LOC400499: variants seen among roughly 807,000 people sequenced by gnomAD.
At chr16:11,501,500 G>C in the LOC400499 span, among the ~76,000 whole-genome samples, 1 of 152,142 alleles carries the variant, frequency 6.6e-6, no homozygotes, top group South Asian at 2.1e-4. Flanking sequence ...GGGACCACAA[G>C]TGTTCGCTAC....
At chr16:11,436,336 A>G in the LOC400499 span, among the ~76,000 whole-genome samples, 1 of 152,082 alleles carries the variant, frequency 6.6e-6, no homozygotes, top group South Asian at 2.1e-4. Flanking sequence ...TTCAAAGAGG[A>G]TGGCATCTGG....
At chr16:11,428,464 G>A in the LOC400499 span, among the ~76,000 whole-genome samples, 16 of 152,198 alleles carry the variant, frequency 1.1e-4, 1 homozygote, top group South Asian at 8.3e-4. Flanking sequence ...GTGAGCCACC[G>A]CGGCCGGCCC....
the LOC400499 span, among the ~76,000 whole-genome samples, chr16:11,495,514 G>A: frequency 6.6e-6 from 1 of 152,002 alleles, no homozygotes; most frequent in African/African-American, 2.4e-5. Context: ...CCACGTAGCT[G>A]AGATTACAGA....
the LOC400499 span, among the ~76,000 whole-genome samples, chr16:11,458,573 G>A: frequency 3.3e-5 from 5 of 151,996 alleles, no homozygotes; most frequent in African/African-American, 9.7e-5. Flanking sequence ...TCAAAAATCC[G>A]AAACAGAAAG....
the LOC400499 span, chr16:11,459,789 G>T: frequency 8.8e-7 from 1 of 1,132,658 alleles, no homozygotes; most frequent in Non-Finnish European, 1.1e-6. Context: ...AGTTTCAGCT[G>T]CTTGCATCCT....
At chr16:11,397,671 GACTGGATGGTTCATAA>G in the LOC400499 span, among the ~76,000 whole-genome samples, 1 of 151,678 alleles carries the variant, frequency 6.6e-6, no homozygotes, top group Non-Finnish European at 1.5e-5. Flanking sequence ...TTGGAACAGA[GACTGGATGGTTCATAA>G]AGCCTAAAAT....
the LOC400499 span, among the ~76,000 whole-genome samples, chr16:11,376,956 T>TAAAAAAAAAAAAA: frequency 3.3e-5 from 5 of 151,224 alleles, no homozygotes; most frequent in Non-Finnish European, 7.4e-5. Flanking sequence ...TTTTTTTTTT[T>TAAAAAAAAAAAAA]AAAGATGATG....
At chr16:11,495,830 G>A in the LOC400499 span, among the ~76,000 whole-genome samples, 2 of 152,058 alleles carry the variant, frequency 1.3e-5, no homozygotes, top group Non-Finnish European at 1.5e-5. Context: ...TAAGGGACGT[G>A]CCTCAGGTAG....
chr16:11,423,709 G>T, the LOC400499 span, among the ~76,000 whole-genome samples: 1 of 152,212 alleles, frequency 6.6e-6, no homozygotes, highest in South Asian at 2.1e-4. Context: ...TTTCATTTCT[G>T]AGAACAATAA....
At chr16:11,384,077 A>G in the LOC400499 span, 2 of 1,231,074 alleles carry the variant, frequency 1.6e-6, no homozygotes, top group Non-Finnish European at 2.0e-6. Flanking sequence ...CACTGGCCTC[A>G]GCAGGAGACT....
chr16:11,522,876 G>C, the LOC400499 span, among the ~76,000 whole-genome samples: 520 of 152,264 alleles, frequency 3.4e-3, 5 homozygotes, highest in Middle Eastern at 0.017. Context: ...GGGAAGAGCT[G>C]ATTTAGGGAA....
At chr16:11,429,673 C>T in the LOC400499 span, among the ~76,000 whole-genome samples, 1 of 152,072 alleles carries the variant, frequency 6.6e-6, no homozygotes, top group Non-Finnish European at 1.5e-5. Context: ...GGGGTTTCAC[C>T]ATGTTGGCCA....
the LOC400499 span, among the ~76,000 whole-genome samples, chr16:11,498,037 C>T: frequency 6.6e-6 from 1 of 152,130 alleles, no homozygotes; most frequent in Non-Finnish European, 1.5e-5. Flanking sequence ...AGTCATCATG[C>T]TCAAACCAAC....
chr16:11,492,364 C>A, the LOC400499 span, among the ~76,000 whole-genome samples: 3 of 147,912 alleles, frequency 2.0e-5, no homozygotes, highest in Admixed American at 7.0e-5. Flanking sequence ...ACATAAGCAA[C>A]AACTATGCAC....
chr16:11,431,065 CT>C, the LOC400499 span: 4 of 398,996 alleles, frequency 1.0e-5, no homozygotes, highest in Non-Finnish European at 1.8e-5. Flanking sequence ...CTGCTTCAGC[CT>C]TCCTGTGAGT....
the LOC400499 span, among the ~76,000 whole-genome samples, chr16:11,463,999 G>A: frequency 6.6e-6 from 1 of 152,168 alleles, no homozygotes; most frequent in Non-Finnish European, 1.5e-5. Context: ...GTATATGAAT[G>A]TGCATACAGA....
the LOC400499 span, among the ~76,000 whole-genome samples, chr16:11,448,338 C>G: frequency 6.6e-6 from 1 of 152,214 alleles, no homozygotes; most frequent in African/African-American, 2.4e-5. Context: ...CCAAGTTTTG[C>G]TCCTGGATCT....
At chr16:11,515,522 C>T in the LOC400499 span, among the ~76,000 whole-genome samples, 2 of 146,812 alleles carry the variant, frequency 1.4e-5, no homozygotes, top group East Asian at 3.9e-4. Context: ...TACATACATA[C>T]GTACATACAT....
chr16:11,457,693 A>G, the LOC400499 span, among the ~76,000 whole-genome samples: 1 of 152,188 alleles, frequency 6.6e-6, no homozygotes, highest in African/African-American at 2.4e-5. Context: ...GAAAGAATCG[A>G]AAGCATCAGA....
Sources: allele counts gnomAD v4.1 joint callset (sites outside exome capture counted in the v4.1 genomes callset), GRCh38; gene constraint gnomAD v4.1.1; transcripts MANE v1.5.